The following UNC79 variants were observed in gnomAD, a reference collection of about 807,000 sequenced individuals.
UNC79 encodes the protein protein unc-79 homolog.
UNC79 carries 37 observed loss-of-function variants against 283.1 expected under a neutral mutation model. The observed-to-expected ratio is 0.13, with a 90% CI of 0.10 to 0.17. The LOEUF (loss-of-function observed/expected upper bound fraction) is 0.17. Among genes scored for constraint, UNC79 ranks in the 10% least tolerant of loss-of-function variants. The probability of loss-of-function intolerance (pLI) is 1.00; values close to 1 mark genes in which losing one functional copy is unlikely to be tolerated. For synonymous variants in UNC79, 1,107 were observed against 1,200.2 expected (o/e 0.92, Z 1.61); for missense variants, 2,272 against 3,211.1 (o/e 0.71, Z 7.07).
chr14:93,521,186 G>C lies in UNC79; in HGVS notation c.899-2792G>C, dbSNP rs146061421. The stretch of plus-strand genomic sequence containing the variant: ...TGACCCTCCTAAAGTTTCTATGATT[G>C]CTCCAAGTATTTAGTGATTTCCCCC... On this transcript the variant is annotated intron_variant, in intron 7 of 48. Transcript: ENST00000555664. 4.7e-4 allele frequency among the ~76,000 whole-genome samples: 72 copies of C among 152,040 alleles called. No individual in the cohort carries two copies. In the East Asian group the frequency reaches 0.013, roughly 28 times the overall value.
exon 23 of UNC79, chr14:93,593,804 A>C: frequency 6.2e-7 from 1 of 1,613,990 alleles, no homozygotes; most frequent in Non-Finnish European, 8.5e-7. Context: ...TGGCAATTTC[A>C]ACAGCAAAGA....
intron 2 of UNC79, among the ~76,000 whole-genome samples, chr14:93,470,547 C>G (rs2057447670): frequency 6.6e-6 from 1 of 152,128 alleles, no homozygotes; most frequent in Non-Finnish European, 1.5e-5. Context: ...CAGTGTTTAA[C>G]CCAGAGAAGG....
rs575631138 is a variant in UNC79 at position 93,663,408 on chromosome 14, A to G, written c.6636+694A>G. ...TTCTGTCCTTAAGAACAATGTGCAA[A>G]TGTTACCCTTTCAATTTCCTAATTT... On this transcript the variant is annotated intron_variant, in intron 40 of 48. Transcript: ENST00000555664. Among the ~76,000 whole-genome samples, 37 of 152,308 alleles carry G rather than the reference A, an allele frequency of 2.4e-4. No homozygotes were observed. The South Asian group carries it at 7.7e-3, about 32-fold the overall frequency.
At chr14:93,655,658 A>C (rs561423134) in intron 38 of UNC79, among the ~76,000 whole-genome samples, 1,603 of 151,928 alleles carry the variant, frequency 0.011, 10 homozygotes, top group Middle Eastern at 0.031. Flanking sequence ...AAAAAAAAAA[A>C]AAACAAAAAA....
intron 32 of UNC79, among the ~76,000 whole-genome samples, chr14:93,640,285 G>C (rs989365472): frequency 3.3e-5 from 5 of 152,132 alleles, no homozygotes; most frequent in Admixed American, 3.3e-4. Flanking sequence ...ATGAGTCACT[G>C]GATGGTTCCT....
At chr14:93,635,006 A>G (rs1725322334) in intron 31 of UNC79, among the ~76,000 whole-genome samples, 1 of 152,190 alleles carries the variant, frequency 6.6e-6, no homozygotes, top group African/African-American at 2.4e-5. Flanking sequence ...CAAATGAGGG[A>G]ATATTTATAG....
intron 7 of UNC79, among the ~76,000 whole-genome samples, chr14:93,503,549 C>T (rs908817361): frequency 2.6e-5 from 4 of 151,890 alleles, no homozygotes; most frequent in African/African-American, 9.7e-5. Flanking sequence ...TCTTATTTTC[C>T]ACATTTTGGT....
intron 7 of UNC79, among the ~76,000 whole-genome samples, chr14:93,513,681 C>T (rs919910233): frequency 2.6e-5 from 4 of 152,112 alleles, no homozygotes; most frequent in African/African-American, 9.7e-5. Flanking sequence ...TTCAAGTCGT[C>T]TCTTCTAGGT....
intron 39 of UNC79, among the ~76,000 whole-genome samples, chr14:93,660,976 A>G (rs1379462559): frequency 6.6e-6 from 1 of 152,202 alleles, no homozygotes; most frequent in East Asian, 1.9e-4. Context: ...CTATATGGAA[A>G]GCACCACATG....
At chr14:93,573,206 G>A (rs11848273) in intron 16 of UNC79, among the ~76,000 whole-genome samples, 9,749 of 152,232 alleles carry the variant, frequency 0.064, 344 homozygotes, top group Middle Eastern at 0.11. Flanking sequence ...CCTCAGCCTG[G>A]AATGACTTCC....
intron 40 of UNC79, among the ~76,000 whole-genome samples, chr14:93,672,069 C>T (rs997137819): frequency 1.3e-5 from 2 of 152,170 alleles, no homozygotes; most frequent in Non-Finnish European, 2.9e-5. Context: ...AAAGGGAACT[C>T]TTGCGCCCTG....
At chr14:93,445,717 T>C (rs1184273002) in intron 1 of UNC79, among the ~76,000 whole-genome samples, 6 of 152,192 alleles carry the variant, frequency 3.9e-5, no homozygotes, top group Non-Finnish European at 7.3e-5. Context: ...AAATTCACCA[T>C]TGAAGCCATT....
upstream of UNC79, chr14:93,333,214 G>C (rs2053491201): frequency 2.5e-6 from 1 of 400,792 alleles, no homozygotes; most frequent in African/African-American, 2.1e-5. Context: ...GAGTGCGCGC[G>C]CATTATTTTT....
In UNC79 at chr14:93,482,620, A is replaced by G. The variant is rs139519372; in HGVS notation, c.619+4892A>G. Among the ~76,000 whole-genome samples the G allele has an allele frequency of 4.0e-3, 610 of 152,212 alleles. 2 individuals carry two copies. The highest frequency in any genetic ancestry group is 0.014 in the African/African-American group (574 of 41,532). On this transcript the variant is annotated intron_variant, in intron 4 of 48. Transcript: ENST00000555664. ...TGTCACATTGAAAAACTTACACCAT[A>G]ATGTGTTTCTTCCTGCCAGGTGTCT... is the stretch of plus-strand genomic sequence containing the variant.
At chr14:93,469,855 C>T (rs2057410560) in intron 2 of UNC79, among the ~76,000 whole-genome samples, 1 of 152,078 alleles carries the variant, frequency 6.6e-6, no homozygotes, top group South Asian at 2.1e-4. Flanking sequence ...GTACTCCAGC[C>T]TGGGTGACAG....
intron 7 of UNC79, among the ~76,000 whole-genome samples, chr14:93,521,117 A>T (rs1440909775): frequency 6.6e-6 from 1 of 152,040 alleles, no homozygotes; most frequent in African/African-American, 2.4e-5. Context: ...ATGAGCCTAG[A>T]GTAACTTTTT....
intron 20 of UNC79, among the ~76,000 whole-genome samples, chr14:93,585,725 G>T (rs1042592803): frequency 6.6e-6 from 1 of 152,022 alleles, no homozygotes; most frequent in African/African-American, 2.4e-5. Flanking sequence ...CCCAGTATGG[G>T]GGCAAAAGTT....
At chr14:93,344,360 A>G (rs1595367567) in intron 1 of UNC79, among the ~76,000 whole-genome samples, 1 of 152,340 alleles carries the variant, frequency 6.6e-6, no homozygotes, top group East Asian at 1.9e-4. Flanking sequence ...TTTAAGCCCA[A>G]AGCAGGATTT....
At chr14:93,414,876 C>T (rs943176627) in intron 1 of UNC79, among the ~76,000 whole-genome samples, 1 of 152,104 alleles carries the variant, frequency 6.6e-6, no homozygotes, top group East Asian at 1.9e-4. Context: ...ATTTTGTATC[C>T]TGAGACTTTG....
Sources: allele counts gnomAD v4.1 joint callset (sites outside exome capture counted in the v4.1 genomes callset), GRCh38; gene constraint gnomAD v4.1.1; transcripts MANE v1.5; gene names NCBI Gene and HGNC (gene_info 2026-07-23, HGNC 2026-07-21).